Variants in BASP1 observed in about 807,000 individuals in gnomAD.
BASP1 encodes brain abundant membrane attached signal protein 1, also known as brain acid soluble protein 1.
A neutral mutation model predicts 2.2 loss-of-function variants in BASP1; 1 was observed. The ratio of observed to expected loss-of-function variants is 0.46; its 90% CI spans 0.16 to 2.17. The LOEUF (loss-of-function observed/expected upper bound fraction) is 2.17, where lower values mean the gene tolerates loss of function less well. BASP1 is among the 30% of genes most tolerant of loss of function. The pLI is 0.27. For synonymous variants in BASP1, 187 were observed against 154.2 expected, an observed-to-expected ratio of 1.21 and a Z score of -1.58; for missense variants, 352 against 327.2, an observed-to-expected ratio of 1.08 and a Z score of -0.58.
chr5:17,218,482 C>A (rs911057944), intron 1 of BASP1, among the ~76,000 whole-genome samples: 18 of 152,294 alleles, frequency 1.2e-4, no homozygotes, highest in African/African-American at 3.8e-4. Context: ...GCCCCAGCCT[C>A]GTCAGTGGCG....
At chr5:17,248,533 C>T (rs760238976) in intron 1 of BASP1, among the ~76,000 whole-genome samples, 7 of 152,218 alleles carry the variant, frequency 4.6e-5, no homozygotes, top group Middle Eastern at 3.4e-3. Context: ...ACATGACTCT[C>T]GGGTATGCTG....
At chr5:17,219,112 C>T (rs1205266123) in intron 1 of BASP1, among the ~76,000 whole-genome samples, 1 of 151,782 alleles carries the variant, frequency 6.6e-6, no homozygotes, top group Non-Finnish European at 1.5e-5. Context: ...CCCACCCCCA[C>T]CTCCCGGGAT....
intron 1 of BASP1, among the ~76,000 whole-genome samples, chr5:17,237,612 C>G (rs925568667): frequency 7.4e-6 from 1 of 135,854 alleles, no homozygotes; most frequent in African/African-American, 2.8e-5. Flanking sequence ...TGAGTGTCCC[C>G]TGACATTGCT....
Position 17,226,156 on chromosome 5 carries a change from A to T in BASP1, c.-10+8346A>T, listed in dbSNP as rs756941309. Among the ~76,000 whole-genome samples, 4 of 152,366 alleles carry T rather than the reference A, an allele frequency of 2.6e-5. No individual in the cohort carries two copies. In the East Asian group the frequency reaches 5.8e-4, roughly 22 times the overall value. ...CAATTAATAGGTAACTTTTATTTTC[A>T]TAATGCTTTTAATTATTACACTTAC... is the stretch of plus-strand genomic sequence containing the variant. On this transcript the variant is annotated intron_variant, in intron 1 of 1. Coordinates refer to ENST00000322611, the MANE Select transcript of BASP1 (RefSeq NM_006317.5).
intron 1 of BASP1, among the ~76,000 whole-genome samples, chr5:17,219,234 T>G (rs929702052): frequency 2.0e-5 from 3 of 151,972 alleles, no homozygotes; most frequent in Non-Finnish European, 4.4e-5. Flanking sequence ...GAGCAGGGTG[T>G]GGAGGGCCCG....
intron 1 of BASP1, among the ~76,000 whole-genome samples, chr5:17,272,279 C>T (rs945589868): frequency 4.6e-5 from 7 of 152,036 alleles, no homozygotes; most frequent in Non-Finnish European, 8.8e-5. Flanking sequence ...GTAACCCAGG[C>T]GCATAACATT....
At chr5:17,252,596 AC>A (rs1740124884) in intron 1 of BASP1, among the ~76,000 whole-genome samples, 1 of 152,182 alleles carries the variant, frequency 6.6e-6, no homozygotes. Flanking sequence ...TTGACCTGGT[AC>A]GTGCTGTGTA....
Position 17,275,572 on chromosome 5 carries a change from C to A in BASP1, c.356C>A (p.Ala119Asp). 7.2e-7 allele frequency: 1 copy of A among 1,386,420 alleles called. No individual in the cohort carries two copies. Among genetic ancestry groups the A allele is most frequent in the Non-Finnish European group, 9.3e-7 (1 of 1,074,206 alleles). 85.9% of individuals were successfully genotyped at this position (1,386,420 alleles called of 1,614,324 possible). ...CCCGGCCCCGCTGCGGGCGGCGAGG[C>A]CCCCAAAGCTGCTGAGGCCGCCGCG... ...AAPGPAAGGE[A>D]PKAAEAAAAP... Residue 119 changes from alanine to aspartate, a missense_variant, in exon 2 of 2, where the codon GCC becomes GAC. Physicochemically the swap from Ala to Asp is moderately radical, Grantham distance 126. Coordinates refer to ENST00000322611, the MANE Select transcript of BASP1 (RefSeq NM_006317.5). The surrounding 1 kb of genome is among the most constrained non-coding windows in gnomAD (Gnocchi z 5.3).
At chr5:17,243,482 G>A (rs143277399) in intron 1 of BASP1, among the ~76,000 whole-genome samples, 38 of 152,008 alleles carry the variant, frequency 2.5e-4, no homozygotes, top group African/African-American at 8.5e-4. Context: ...TTCAGTTTCC[G>A]GTGTCTAACT....
At chr5:17,229,441 A>G (rs1014597753) in intron 1 of BASP1, among the ~76,000 whole-genome samples, 2 of 152,186 alleles carry the variant, frequency 1.3e-5, no homozygotes, top group African/African-American at 4.8e-5. Context: ...GAAGTGTTCA[A>G]ATTCCCCTTA....
rs1404989362 is a variant in BASP1 at position 17,275,707 on chromosome 5, G to A, written c.491G>A (p.Ser164Asn). 11 of 1,605,422 alleles carry A rather than the reference G, an allele frequency of 6.9e-6. No homozygotes were observed. The South Asian group carries it at 8.9e-5, about 13-fold the overall frequency. Residue 164 changes from serine to asparagine, a missense_variant, in exon 2 of 2, where the codon AGT (serine) becomes AAT (asparagine). Ser to Asn is a conservative substitution (Grantham distance 46, BLOSUM62 1). Transcript: ENST00000322611. The surrounding 1 kb of genome is among the most constrained non-coding windows in gnomAD (Gnocchi z 5.3). ...PAAPAAQETK[S>N]DGAPASDSKP... ...GCTCCTGCCGCCCAGGAGACCAAAAGTGACGGGGCCCCAGCTTCAGACTCA... is the reference window on the plus strand; with the variant it reads ...GCTCCTGCCGCCCAGGAGACCAAAAATGACGGGGCCCCAGCTTCAGACTCA...
intron 1 of BASP1, among the ~76,000 whole-genome samples, chr5:17,257,810 A>G (rs1740243812): frequency 6.6e-6 from 1 of 152,224 alleles, no homozygotes; most frequent in African/African-American, 2.4e-5. Flanking sequence ...TTCTGAAAAC[A>G]GTATTGTCTC....
chr5:17,232,716 CTT>C (rs1739659443), intron 1 of BASP1, among the ~76,000 whole-genome samples: 2 of 151,896 alleles, frequency 1.3e-5, no homozygotes, highest in South Asian at 4.2e-4. Flanking sequence ...GTGGATTTTT[CTT>C]TTTCTTTTTT....
intron 1 of BASP1, among the ~76,000 whole-genome samples, chr5:17,235,523 A>G (rs1739725026): frequency 6.6e-6 from 1 of 151,952 alleles, no homozygotes; most frequent in Non-Finnish European, 1.5e-5. Flanking sequence ...CGGCCTCCCA[A>G]AGTGCTAGGA....
chr5:17,250,682 G>A (rs1030343896), intron 1 of BASP1, among the ~76,000 whole-genome samples: 2 of 152,178 alleles, frequency 1.3e-5, no homozygotes, highest in Non-Finnish European at 1.5e-5. Context: ...TCGGCTCACT[G>A]TAAGCTCCAC....
intron 1 of BASP1, among the ~76,000 whole-genome samples, chr5:17,273,462 A>G (rs1027883990): frequency 2.0e-5 from 3 of 152,198 alleles, no homozygotes; most frequent in Non-Finnish European, 4.4e-5. Context: ...GAGAATATGA[A>G]TAGTATTTTA....
chr5:17,224,246 T>C (rs983926708), intron 1 of BASP1, among the ~76,000 whole-genome samples: 3 of 152,222 alleles, frequency 2.0e-5, no homozygotes, highest in Non-Finnish European at 4.4e-5. Context: ...ACAGCTTCCT[T>C]AAACAGGTTT....
chr5:17,236,400 A>G lies in BASP1; in HGVS notation c.-10+18590A>G, dbSNP rs1051484853. Among the ~76,000 whole-genome samples, 1 of 151,960 alleles carries G rather than the reference A, an allele frequency of 6.6e-6. No individual in the cohort carries two copies. Among genetic ancestry groups the G allele is most frequent in the Non-Finnish European group, 1.5e-5 (1 of 68,002 alleles). ...TGCCTCAGCCTCTGGAGTAGCTGGG[A>G]TTACAGGCACCTGCCACCATGCCTG... On this transcript the variant is annotated intron_variant, in intron 1 of 1. Coordinates refer to ENST00000322611, the MANE Select transcript of BASP1 (RefSeq NM_006317.5). The surrounding 1 kb of genome is among the most constrained non-coding windows in gnomAD (Gnocchi z 4.0).
intron 1 of BASP1, among the ~76,000 whole-genome samples, chr5:17,225,003 T>C (rs116226031): frequency 0.013 from 1,977 of 152,334 alleles, 37 homozygotes; most frequent in African/African-American, 0.042. Context: ...TTGTAAGTAC[T>C]TTCCTTGGAG....
Sources: gnomAD v4.1 joint callset for allele counts (sites outside exome capture counted in the v4.1 genomes callset) on GRCh38, gnomAD v4.1.1 for gene constraint, Gnocchi (gnomAD v3.1) non-coding constraint, MANE v1.5 for transcripts, NCBI Gene and HGNC (gene_info 2026-07-23, HGNC 2026-07-21) for gene names.